EXT2: variants seen among roughly 807,000 people sequenced by gnomAD.
EXT2 encodes the protein exostosin-2.
In EXT2, 53 loss-of-function variants were observed where a neutral mutation model predicts 81.6. The ratio of observed to expected loss-of-function variants is 0.65; its 90% CI spans 0.52 to 0.82. The LOEUF (loss-of-function observed/expected upper bound fraction) is 0.82, where lower values mean the gene tolerates loss of function less well. Ranked by LOEUF, EXT2 falls within the 40% of genes least tolerant of loss-of-function variation. The pLI, the probability that EXT2 is intolerant of heterozygous loss-of-function variation, is 0.00. For synonymous variants in EXT2, 320 were observed against 340.0 expected (o/e 0.94, Z 0.65); for missense variants, 774 against 910.2 (o/e 0.85, Z 1.93).
In EXT2 at chr11:44,251,935, T is replaced by C. The variant is rs531104037; in HGVS notation, c.*7648T>C. Among the ~76,000 whole-genome samples, 167 of 152,346 alleles carry C rather than the reference T, an allele frequency of 1.1e-3. 1 individual carries two copies. The highest frequency in any genetic ancestry group is 3.9e-3 in the African/African-American group (162 of 41,588). ...ACAAGTGACTGAATATAATTTCAAA[T>C]GTCAATAAATGCTGTGAAGAAAATA... On this transcript the variant is annotated 3_prime_UTR_variant, in exon 14 of 14. Coordinates refer to ENST00000533608, the MANE Select transcript of EXT2 (RefSeq NM_207122.2).
chr11:44,162,961 T>G (rs1424836656), intron 7 of EXT2, among the ~76,000 whole-genome samples: 1 of 152,188 alleles, frequency 6.6e-6, no homozygotes. Flanking sequence ...AAATGATTAG[T>G]ATGTGGATAA....
At chr11:44,168,994 G>A (rs981357520) in intron 7 of EXT2, among the ~76,000 whole-genome samples, 7 of 152,140 alleles carry the variant, frequency 4.6e-5, no homozygotes, top group African/African-American at 1.7e-4. Flanking sequence ...GGTCAAGGCA[G>A]GCGGATCACA....
At chr11:44,196,244 T>C (rs1012897016) in intron 8 of EXT2, among the ~76,000 whole-genome samples, 26 of 152,192 alleles carry the variant, frequency 1.7e-4, no homozygotes, top group African/African-American at 5.5e-4. Flanking sequence ...TTGTGAACAT[T>C]TTCTCTTTAT....
chr11:44,126,448 A>G (rs1184837915), intron 5 of EXT2, among the ~76,000 whole-genome samples: 3 of 152,184 alleles, frequency 2.0e-5, no homozygotes, highest in Non-Finnish European at 4.4e-5. Flanking sequence ...GTACTGTAAG[A>G]GATGTCAGAC....
At chr11:44,208,198 A>T (rs1316271299) in intron 10 of EXT2, among the ~76,000 whole-genome samples, 4 of 145,392 alleles carry the variant, frequency 2.8e-5, no homozygotes, top group Admixed American at 6.9e-5. Context: ...AAAAAGACTA[A>T]TTTTTTTTTT....
chr11:44,123,864 T>G (rs1266925597), intron 4 of EXT2, among the ~76,000 whole-genome samples: 3 of 151,438 alleles, frequency 2.0e-5, no homozygotes, highest in East Asian at 3.9e-4. Context: ...ACTTACTAAC[T>G]TTGTGTTTCC....
chr11:44,213,162 CA>C (rs1955673598), intron 10 of EXT2, among the ~76,000 whole-genome samples: 1 of 151,744 alleles, frequency 6.6e-6, no homozygotes, highest in Non-Finnish European at 1.5e-5. Context: ...AAGCAGTGAC[CA>C]AAAGTTCATT....
chr11:44,181,363 T>C (rs992967749), intron 8 of EXT2, among the ~76,000 whole-genome samples: 1 of 152,204 alleles, frequency 6.6e-6, no homozygotes, highest in Non-Finnish European at 1.5e-5. Context: ...TGTTTTCTGC[T>C]AGCTGGATAC....
chr11:44,194,779 A>G (rs984722997), intron 8 of EXT2, among the ~76,000 whole-genome samples: 1 of 152,200 alleles, frequency 6.6e-6, no homozygotes, highest in Non-Finnish European at 1.5e-5. Flanking sequence ...AAATCATTTT[A>G]TACACTTTTT....
intron 9 of EXT2, among the ~76,000 whole-genome samples, chr11:44,205,366 C>A (rs1955569907): frequency 6.6e-6 from 1 of 152,206 alleles, no homozygotes; most frequent in African/African-American, 2.4e-5. Flanking sequence ...GCCATGTGTT[C>A]ATGCATTATT....
At chr11:44,194,573 T>C (rs949031868) in intron 8 of EXT2, among the ~76,000 whole-genome samples, 2 of 152,196 alleles carry the variant, frequency 1.3e-5, no homozygotes, top group Non-Finnish European at 2.9e-5. Flanking sequence ...CTCAGTTCCA[T>C]CACTTACAGG....
intron 7 of EXT2, among the ~76,000 whole-genome samples, chr11:44,166,559 A>G (rs988395048): frequency 1.3e-4 from 20 of 152,224 alleles, no homozygotes; most frequent in Non-Finnish European, 2.8e-4. Flanking sequence ...CTTATTAGTT[A>G]GTGGAGATGA....
rs542830481 is a variant in EXT2 at position 44,246,170 on chromosome 11, A to G, written c.*1883A>G. Among the ~76,000 whole-genome samples the G allele has an allele frequency of 6.6e-6, 1 of 152,100 alleles. No individual in the cohort carries two copies. The highest frequency in any genetic ancestry group is 1.5e-5 in the Non-Finnish European group (1 of 68,012). On this transcript the variant is annotated 3_prime_UTR_variant, in exon 14 of 14. Transcript: ENST00000533608. The stretch of plus-strand genomic sequence containing the variant: ...CACAGTGAGGACCTCTAATCTTTCT[A>G]GGGGTTTTCTAGTTTGTTTTCCAAG...
intron 13 of EXT2, among the ~76,000 whole-genome samples, chr11:44,243,046 T>C (rs1490402245): frequency 6.6e-6 from 1 of 152,222 alleles, no homozygotes; most frequent in Non-Finnish European, 1.5e-5. Context: ...GACATGATGA[T>C]GTTATGAGTT....
At chr11:44,218,793 C>CTTTTTTTTTTTTTTTTTTT (rs11368525) in intron 10 of EXT2, among the ~76,000 whole-genome samples, 1 of 92,300 alleles carries the variant, frequency 1.1e-5, no homozygotes, top group Non-Finnish European at 1.9e-5. Context: ...ATCTGCAATT[C>CTTTTTTTTTTTTTTTTTTT]TTTTTTTTTT....
At chr11:44,179,698 T>G (rs2135145869) in intron 8 of EXT2, among the ~76,000 whole-genome samples, 1 of 152,356 alleles carries the variant, frequency 6.6e-6, no homozygotes, top group African/African-American at 2.4e-5. Context: ...AACCTCAAGA[T>G]AATGAATTTT....
chr11:44,165,367 T>A (rs990674089), intron 7 of EXT2, among the ~76,000 whole-genome samples: 1 of 152,236 alleles, frequency 6.6e-6, no homozygotes, highest in African/African-American at 2.4e-5. Flanking sequence ...TAAATTATAA[T>A]ACCTTCTGAA....
In EXT2 at chr11:44,251,004, A is replaced by G. The variant is rs1956133793; in HGVS notation, c.*6717A>G. Reference sequence around the variant, plus strand: ...TTCTCTAGTAGATCATTGGGGGCTCACCTTGATCTCCTCTCTTCTGTCTAC... The same window carrying G: ...TTCTCTAGTAGATCATTGGGGGCTCGCCTTGATCTCCTCTCTTCTGTCTAC... On this transcript the variant is annotated 3_prime_UTR_variant, in exon 14 of 14. Coordinates refer to ENST00000533608, the MANE Select transcript of EXT2 (RefSeq NM_207122.2). 1.3e-5 allele frequency among the ~76,000 whole-genome samples: 2 copies of G among 152,168 alleles called. No individual in the cohort carries two copies. The highest frequency in any genetic ancestry group is 6.5e-5 in the Admixed American group (1 of 15,288).
intron 13 of EXT2, among the ~76,000 whole-genome samples, chr11:44,242,497 C>T (rs1343178606): frequency 6.6e-6 from 1 of 152,204 alleles, no homozygotes; most frequent in Non-Finnish European, 1.5e-5. Flanking sequence ...AAAGAGCAGG[C>T]TCTATTGCCA....
Sources: gnomAD v4.1 joint callset for allele counts (sites outside exome capture counted in the v4.1 genomes callset) on GRCh38, gnomAD v4.1.1 for gene constraint, MANE v1.5 for transcripts, NCBI Gene and HGNC (gene_info 2026-07-23, HGNC 2026-07-21) for gene names.